The following ERAP1 variants were observed in gnomAD, a reference collection of about 807,000 sequenced individuals.
ERAP1 encodes endoplasmic reticulum aminopeptidase 1, also known as adipocyte-derived leucine aminopeptidase.
ERAP1 carries 86 observed loss-of-function variants against 103.7 expected under a neutral mutation model. The observed-to-expected ratio is 0.83, with a 90% CI of 0.70 to 0.99. The LOEUF is 0.99. ERAP1 is among the 50% of genes least tolerant of loss of function. The pLI, the probability that ERAP1 is intolerant of heterozygous loss-of-function variation, is 0.00. For synonymous variants in ERAP1, 398 were observed against 402.4 expected (o/e 0.99, Z 0.13); for missense variants, 1,009 against 1,128.4 (o/e 0.89, Z 1.52).
chr5:96,874,136 G>GAGAGAAAGAA, the ERAP1 span, among the ~76,000 whole-genome samples: 193 of 118,874 alleles, frequency 1.6e-3, 1 homozygote, highest in African/African-American at 5.7e-3. Context: ...GAAAGAGAGA[G>GAGAGAAAGAA]AGAAAGAAAG....
At chr5:96,842,511 GT>G in the ERAP1 span, among the ~76,000 whole-genome samples, 2 of 152,062 alleles carry the variant, frequency 1.3e-5, no homozygotes, top group Non-Finnish European at 2.9e-5. Flanking sequence ...TTGCATTGTG[GT>G]TTTGATTTGC....
the ERAP1 span, chr5:96,896,488 A>T: frequency 1.2e-6 from 2 of 1,613,254 alleles, no homozygotes; most frequent in Non-Finnish European, 1.7e-6. Context: ...ATGTTTGATG[A>T]AGTTTCCTAT....
At chr5:96,913,575 G>GTA in the ERAP1 span, 1 of 1,207,948 alleles carries the variant, frequency 8.3e-7, no homozygotes, top group Non-Finnish European at 1.2e-6. Flanking sequence ...TATCCAAATA[G>GTA]TTCAGTGGAG....
intron 3 of ERAP1, among the ~76,000 whole-genome samples, chr5:96,799,879 G>A (rs190155381): frequency 6.6e-6 from 1 of 152,354 alleles, no homozygotes; most frequent in East Asian, 1.9e-4. Flanking sequence ...CTGGCGTGGG[G>A]TGGGAGATCC....
upstream of ERAP1, among the ~76,000 whole-genome samples, chr5:96,811,363 A>C (rs569376205): frequency 2.0e-5 from 3 of 152,292 alleles, no homozygotes; most frequent in Admixed American, 2.0e-4. Flanking sequence ...ATCTCATGGG[A>C]TCCTCACATT....
chr5:96,862,457 T>C, the ERAP1 span, among the ~76,000 whole-genome samples: 1 of 152,228 alleles, frequency 6.6e-6, no homozygotes, highest in Admixed American at 6.5e-5. Context: ...CTTGTGAAGA[T>C]GGCCTGAGAA....
chr5:96,907,845 T>G, the ERAP1 span, among the ~76,000 whole-genome samples: 1 of 151,440 alleles, frequency 6.6e-6, no homozygotes, highest in Non-Finnish European at 1.5e-5. Flanking sequence ...ATTATGCCAT[T>G]GTACTCCAGC....
the ERAP1 span, among the ~76,000 whole-genome samples, chr5:96,827,553 T>C: frequency 6.6e-6 from 1 of 152,068 alleles, no homozygotes; most frequent in Admixed American, 6.5e-5. Flanking sequence ...TAGTCCCAGC[T>C]ACTTGGGAGG....
the ERAP1 span, chr5:96,918,243 A>C: frequency 6.6e-6 from 1 of 152,368 alleles, no homozygotes; most frequent in Non-Finnish European, 1.5e-5. Context: ...GCCTCAAGTG[A>C]CTTTCTCCAT....
chr5:96,843,025 AAC>A, the ERAP1 span, among the ~76,000 whole-genome samples: 2 of 152,220 alleles, frequency 1.3e-5, no homozygotes, highest in African/African-American at 4.8e-5. Context: ...AGTTAAAGAT[AAC>A]ATCTTAATGT....
chr5:96,898,676 T>C, the ERAP1 span, among the ~76,000 whole-genome samples: 1 of 150,832 alleles, frequency 6.6e-6, no homozygotes, highest in African/African-American at 2.4e-5. Context: ...GGAGGCGGAG[T>C]TGCAATGAGC....
the ERAP1 span, chr5:96,900,200 A>G: frequency 1.3e-5 from 21 of 1,613,454 alleles, 1 homozygote; most frequent in South Asian, 2.2e-4. Context: ...GTAAGGATAA[A>G]GAGAGTCACA....
chr5:96,776,492 C>CTGT lies in ERAP1; in HGVS notation c.2727_2729dup (p.Gln910dup). ...TGTTTTCTTCAATGGTTTCAATTGT[C>CTGT]TGTTGGACACAACGGAGCTGAGAAC... is the stretch of plus-strand genomic sequence containing the variant. On this transcript the variant is annotated inframe_insertion, in exon 19 of 19. Coordinates refer to ENST00000443439, the MANE Select transcript of ERAP1 (RefSeq NM_001040458.3). 6.2e-7 allele frequency: 1 copy of CTGT among 1,614,196 alleles called. No individual in the cohort carries two copies. The highest frequency in any genetic ancestry group is 1.3e-5 in the African/African-American group (1 of 75,070).
At chr5:96,767,220 T>G (rs1180000960) in intron 19 of ERAP1, among the ~76,000 whole-genome samples, 1 of 151,848 alleles carries the variant, frequency 6.6e-6, no homozygotes, top group East Asian at 1.9e-4. Flanking sequence ...ACCAGACCCT[T>G]TCATATGTTT....
At chr5:96,908,898 A>C in the ERAP1 span, 5 of 1,476,172 alleles carry the variant, frequency 3.4e-6, no homozygotes, top group Non-Finnish European at 4.6e-6. Context: ...ATTTGTTTTA[A>C]TGTTAAAAAT....
the ERAP1 span, chr5:96,814,180 TC>T: frequency 2.2e-6 from 1 of 453,612 alleles, no homozygotes; most frequent in Non-Finnish European, 4.4e-6. Context: ...GTTCCAGCAT[TC>T]CGTTCCTCAT....
the ERAP1 span, among the ~76,000 whole-genome samples, chr5:96,874,457 C>T: frequency 6.6e-6 from 1 of 152,208 alleles, no homozygotes; most frequent in Non-Finnish European, 1.5e-5. Flanking sequence ...TCCTATACCT[C>T]TTCTACCTGC....
the ERAP1 span, among the ~76,000 whole-genome samples, chr5:96,872,798 T>C: frequency 2.6e-5 from 4 of 152,188 alleles, no homozygotes; most frequent in Non-Finnish European, 5.9e-5. Flanking sequence ...ATTCTCTTGA[T>C]CCTAGGTTCA....
At chr5:96,909,699 T>C in the ERAP1 span, 6 of 1,614,100 alleles carry the variant, frequency 3.7e-6, no homozygotes, top group African/African-American at 2.7e-5. Flanking sequence ...ACCTGAACCA[T>C]GCTCCTTGCA....
Sources: gnomAD v4.1 joint callset for allele counts (sites outside exome capture counted in the v4.1 genomes callset) on GRCh38, gnomAD v4.1.1 for gene constraint, MANE v1.5 for transcripts, NCBI Gene and HGNC (gene_info 2026-07-23, HGNC 2026-07-21) for gene names.